The following GRM4 variants were observed in gnomAD, a reference collection of about 807,000 sequenced individuals.
GRM4 encodes the protein metabotropic glutamate receptor 4.
In GRM4, 28 loss-of-function variants were observed where a neutral mutation model predicts 81.7. That is an observed-to-expected ratio of 0.34 (90% CI 0.25 to 0.47). The LOEUF is 0.47. Ranked by LOEUF, GRM4 falls within the 20% of genes least tolerant of loss-of-function variation. The probability of loss-of-function intolerance (pLI) is 1.00; values close to 1 mark genes in which losing one functional copy is unlikely to be tolerated. For missense variants in GRM4, 948 were observed against 1,290.0 expected (o/e 0.73, Z 4.06); for synonymous variants, 488 against 528.8 (o/e 0.92, Z 1.06).
At position 34,048,061 on chromosome 6, in the gene GRM4, G is replaced by C. The variant is rs1362990855; in HGVS notation, c.1169-7313C>G. On this transcript the variant is annotated intron_variant, in intron 6 of 10. Transcript: ENST00000538487. This position sits in a 1 kb window ranked among gnomAD's most constrained non-coding sequence, Gnocchi z 4.0. ...AAGCCGTGTCTCTCAGACTGGGAGA[G>C]CTCACTTGGGGATGGCCATCAACAT... Among the ~76,000 whole-genome samples, 1 of 152,200 alleles carries C rather than the reference G, an allele frequency of 6.6e-6. No homozygotes were observed.
chr6:34,058,300 G>A (rs2127460055), intron 5 of GRM4, among the ~76,000 whole-genome samples: 1 of 152,308 alleles, frequency 6.6e-6, no homozygotes, highest in East Asian at 1.9e-4. Flanking sequence ...GGACACTGCT[G>A]TGTGACTTTG....
At chr6:34,119,594 C>T (rs897331936) in intron 2 of GRM4, among the ~76,000 whole-genome samples, 4 of 152,184 alleles carry the variant, frequency 2.6e-5, no homozygotes, top group African/African-American at 7.2e-5. Flanking sequence ...ACACACCTGC[C>T]CTTTGACCAA....
chr6:34,091,392 G>A (rs1480915120), intron 3 of GRM4, among the ~76,000 whole-genome samples: 1 of 152,060 alleles, frequency 6.6e-6, no homozygotes, highest in Admixed American at 6.5e-5. Flanking sequence ...CCACCCACAG[G>A]GACACCTTCT....
At chr6:34,055,599 G>A (rs1484734797) in intron 6 of GRM4, 2 of 152,254 alleles carry the variant, frequency 1.3e-5, no homozygotes, top group Admixed American at 6.5e-5. Context: ...CTCAGGCTGA[G>A]AGGCACCAGA....
At chr6:34,123,258 G>C (rs1231492330) in intron 2 of GRM4, among the ~76,000 whole-genome samples, 1 of 152,200 alleles carries the variant, frequency 6.6e-6, no homozygotes, top group African/African-American at 2.4e-5. Context: ...TGAAGGGCCA[G>C]AGGACCCCAG....
At chr6:34,081,101 T>C (rs1173216985) in intron 3 of GRM4, among the ~76,000 whole-genome samples, 1 of 152,038 alleles carries the variant, frequency 6.6e-6, no homozygotes, top group African/African-American at 2.4e-5. Flanking sequence ...AATTCTCCAC[T>C]TAAAAGGAGG....
intron 2 of GRM4, 114 bp downstream of exon 2, chr6:34,132,864 A>G: frequency 1.2e-6 from 1 of 816,308 alleles, no homozygotes; most frequent in Non-Finnish European, 1.9e-6. Flanking sequence ...TGTCCCTTAG[A>G]GTGAGGAAAA....
chr6:34,117,257 G>A (rs1352497980), intron 2 of GRM4, among the ~76,000 whole-genome samples: 1 of 152,212 alleles, frequency 6.6e-6, no homozygotes, highest in Non-Finnish European at 1.5e-5. Context: ...GAAGCTGGGG[G>A]GATTTAGAGA....
upstream of GRM4, among the ~76,000 whole-genome samples, chr6:34,150,642 A>G (rs1441015429): frequency 6.6e-6 from 1 of 152,128 alleles, no homozygotes; most frequent in African/African-American, 2.4e-5. Flanking sequence ...CCCCGCCTAT[A>G]GGGCTCCCTG....
chr6:34,086,676 G>C lies in GRM4; in HGVS notation c.736+5207C>G, dbSNP rs530209088. ...ACCACAGAGGGTAAGTTCAGTGGCT[G>C]GGGAGAGTATCTGCAGGATTCAAAT... On this transcript the variant is annotated intron_variant, in intron 3 of 10. Coordinates refer to ENST00000538487, the MANE Select transcript of GRM4 (RefSeq NM_000841.4). Among the ~76,000 whole-genome samples, 28 of 152,354 alleles carry C rather than the reference G, an allele frequency of 1.8e-4. No individual in the cohort carries two copies. In the South Asian group the frequency reaches 5.8e-3, roughly 32 times the overall value.
intron 3 of GRM4, among the ~76,000 whole-genome samples, chr6:34,081,119 C>T (rs946748532): frequency 1.3e-5 from 2 of 152,084 alleles, no homozygotes; most frequent in African/African-American, 4.8e-5. Context: ...AGGACTCAGT[C>T]TTCCCACCTT....
intron 2 of GRM4, among the ~76,000 whole-genome samples, chr6:34,104,919 G>T (rs1252237363): frequency 6.6e-6 from 1 of 152,112 alleles, no homozygotes. Flanking sequence ...GGGAGGCAGG[G>T]GCGGGGCTGG....
intron 2 of GRM4, among the ~76,000 whole-genome samples, chr6:34,118,703 G>C (rs1769690861): frequency 6.6e-6 from 1 of 152,176 alleles, no homozygotes; most frequent in African/African-American, 2.4e-5. Flanking sequence ...CCTACAGCAG[G>C]CATCTGAGAG....
chr6:34,026,705 C>T (rs1187746815), intron 10 of GRM4, among the ~76,000 whole-genome samples: 1 of 152,162 alleles, frequency 6.6e-6, no homozygotes. Flanking sequence ...CGTACTGAGC[C>T]ATCAGAGCTC....
rs1432489491 is a variant in GRM4, at chr6:34,024,303, A to G, written c.2690-1433T>C. The stretch of plus-strand genomic sequence containing the variant: ...TTCAATTAAAATGGGTCTTTCCCCC[A>G]TGCGTCTTCTCTTTTCCCTTCCATG... On this transcript the variant is annotated intron_variant, in intron 10 of 10. Coordinates refer to ENST00000538487, the MANE Select transcript of GRM4 (RefSeq NM_000841.4). The G allele has an allele frequency of 1.5e-5, 3 of 204,550 alleles. No individual in the cohort carries two copies. The Admixed American group carries it at 1.5e-4, about 10-fold the overall frequency. The allele number at this position is 204,550 out of a possible 1,614,324, so 12.7% of individuals were successfully genotyped here.
At chr6:34,031,203 C>A (rs1398435036) in intron 9 of GRM4, among the ~76,000 whole-genome samples, 1 of 152,192 alleles carries the variant, frequency 6.6e-6, no homozygotes, top group Non-Finnish European at 1.5e-5. Flanking sequence ...GGGCTATGAT[C>A]TCCCCTCCTC....
rs1766594218 is a variant in GRM4 at position 34,068,324 on chromosome 6, C to A, written c.737-6296G>T. On this transcript the variant is annotated intron_variant, in intron 3 of 10. Transcript: ENST00000538487. The surrounding 1 kb of genome is among the most constrained non-coding windows in gnomAD (Gnocchi z 4.2). ...CCCCAGGAATTGAGAACACTCTGGA[C>A]TTGTAAATCCCACTTACCTTCAAGT... 6.6e-6 allele frequency among the ~76,000 whole-genome samples: 1 copy of A among 152,146 alleles called. No homozygotes were observed. The highest frequency in any genetic ancestry group is 2.1e-4 in the South Asian group (1 of 4,804).
intron 2 of GRM4, among the ~76,000 whole-genome samples, chr6:34,108,839 G>GC (rs1203981712): frequency 1.3e-5 from 2 of 151,740 alleles, no homozygotes; most frequent in Non-Finnish European, 2.9e-5. Flanking sequence ...ACTGGCACCA[G>GC]CCCCCCATCC....
intron 9 of GRM4, among the ~76,000 whole-genome samples, chr6:34,029,929 T>TCA (rs945963742): frequency 4.6e-5 from 7 of 152,148 alleles, no homozygotes; most frequent in African/African-American, 1.7e-4. Flanking sequence ...CAGGGAAATG[T>TCA]CACAGGCCCA....
Sources: allele counts gnomAD v4.1 joint callset (sites outside exome capture counted in the v4.1 genomes callset), GRCh38; gene constraint gnomAD v4.1.1; non-coding constraint Gnocchi (gnomAD v3.1); transcripts MANE v1.5; gene names NCBI Gene and HGNC (gene_info 2026-07-23, HGNC 2026-07-21).